The following PTP4A1 variants were observed in gnomAD, a reference collection of about 807,000 sequenced individuals.
PTP4A1 encodes protein tyrosine phosphatase 4A1, also known as protein tyrosine phosphatase type IVA 1.
Under a neutral mutation model 20.5 loss-of-function variants are expected in PTP4A1, and 9 were observed. The observed-to-expected ratio is 0.44, with a 90% CI of 0.26 to 0.77. The LOEUF (loss-of-function observed/expected upper bound fraction) is 0.77. Ranked by LOEUF, PTP4A1 falls within the 30% of genes least tolerant of loss-of-function variation. The probability of loss-of-function intolerance (pLI) is 0.19; values close to 1 mark genes in which losing one functional copy is unlikely to be tolerated. For synonymous variants in PTP4A1, 78 were observed against 67.4 expected (o/e 1.16, Z -0.77); for missense variants, 137 against 218.8 (o/e 0.63, Z 2.36).
chr6:63,550,201 T>A (rs1177851082), intron 2 of PTP4A1: 1 of 152,088 alleles, frequency 6.6e-6, no homozygotes, highest in Non-Finnish European at 1.5e-5. Context: ...ACATAATAGA[T>A]TCAAAACAAA....
intron 3 of PTP4A1, among the ~76,000 whole-genome samples, chr6:63,556,701 T>C (rs946297551): frequency 5.2e-5 from 8 of 152,386 alleles, no homozygotes; most frequent in African/African-American, 1.9e-4. Context: ...AATTTATTCC[T>C]GAGTCACTGA....
At chr6:63,566,545 A>G (rs1777197484) in intron 3 of PTP4A1, among the ~76,000 whole-genome samples, 1 of 152,206 alleles carries the variant, frequency 6.6e-6, no homozygotes, top group Admixed American at 6.5e-5. Flanking sequence ...GGAAGTGGGG[A>G]AAACGGGTAC....
chr6:63,559,573 T>C (rs954904007), intron 3 of PTP4A1, among the ~76,000 whole-genome samples: 8 of 151,932 alleles, frequency 5.3e-5, no homozygotes, highest in Non-Finnish European at 1.2e-4. Context: ...GGTGAAACCC[T>C]GTCTCTACTA....
chr6:63,556,035 A>T (rs764460020), intron 3 of PTP4A1, among the ~76,000 whole-genome samples: 1 of 152,090 alleles, frequency 6.6e-6, no homozygotes, highest in Non-Finnish European at 1.5e-5. Flanking sequence ...GGTATAACAC[A>T]ATAAAGACAA....
chr6:63,559,847 GAACTCC>G, intron 3 of PTP4A1, among the ~76,000 whole-genome samples: 1 of 152,116 alleles, frequency 6.6e-6, no homozygotes, highest in Non-Finnish European at 1.5e-5. Flanking sequence ...GGCTGGTTTC[GAACTCC>G]TGGGCTCAAA....
chr6:63,560,490 C>T (rs1776896177), intron 3 of PTP4A1, among the ~76,000 whole-genome samples: 1 of 151,280 alleles, frequency 6.6e-6, no homozygotes, highest in South Asian at 2.1e-4. Flanking sequence ...GCAACCTCTG[C>T]CTCCCGAGTT....
At chr6:63,521,253 G>T (rs574671374), upstream of PTP4A1, among the ~76,000 whole-genome samples, 1 of 152,082 alleles carries the variant, frequency 6.6e-6, no homozygotes, top group African/African-American at 2.4e-5. Flanking sequence ...ATAAAACTGA[G>T]CAAGAAAAGA....
chr6:63,578,751 C>A, intron 3 of PTP4A1, 147 bp from the exon 4 acceptor site: 1 of 1,109,792 alleles, frequency 9.0e-7, no homozygotes, highest in Non-Finnish European at 1.2e-6. Flanking sequence ...CATTTAGTCA[C>A]ATTTGGTAGA....
At chr6:63,557,064 G>A (rs780881524) in intron 3 of PTP4A1, among the ~76,000 whole-genome samples, 16 of 152,290 alleles carry the variant, frequency 1.1e-4, no homozygotes, top group Non-Finnish European at 1.6e-4. Flanking sequence ...CTTATTATGT[G>A]CCAAGTACTG....
intron 1 of PTP4A1, among the ~76,000 whole-genome samples, chr6:63,525,072 G>T (rs188713674): frequency 2.0e-5 from 3 of 152,290 alleles, no homozygotes; most frequent in Non-Finnish European, 4.4e-5. Context: ...ATTTCTGAAA[G>T]GGTGTTTAGA....
At chr6:63,575,217 T>C (rs1224459078) in intron 1 of PTP4A1, among the ~76,000 whole-genome samples, 1 of 152,226 alleles carries the variant, frequency 6.6e-6, no homozygotes, top group African/African-American at 2.4e-5. Flanking sequence ...AATTTAAGCA[T>C]GGAAACTAAT....
At chr6:63,518,995 G>A (rs1774827150), upstream of PTP4A1, among the ~76,000 whole-genome samples, 1 of 152,144 alleles carries the variant, frequency 6.6e-6, no homozygotes, top group Non-Finnish European at 1.5e-5. Flanking sequence ...AGTAAAGCAT[G>A]TGCATATTCA....
At chr6:63,570,478 C>A (rs1777368706), upstream of PTP4A1, among the ~76,000 whole-genome samples, 1 of 152,194 alleles carries the variant, frequency 6.6e-6, no homozygotes, top group Admixed American at 6.5e-5. Context: ...AATTTGAGAG[C>A]TTTTAGAACT....
chr6:63,548,196 C>T (rs1406906277), intron 2 of PTP4A1, among the ~76,000 whole-genome samples: 1 of 152,168 alleles, frequency 6.6e-6, no homozygotes, highest in Non-Finnish European at 1.5e-5. Context: ...CCTACTATAA[C>T]ACTTTCTGCA....
In PTP4A1 at chr6:63,576,996, A is replaced by T; in HGVS notation, c.105+11A>T. 1.9e-6 allele frequency: 3 copies of T among 1,594,736 alleles called. No individual in the cohort carries two copies. Among genetic ancestry groups the T allele is most frequent in the Non-Finnish European group, 2.6e-6 (3 of 1,163,004 alleles). On this transcript the variant is annotated intron_variant, in intron 2 of 5. Transcript: ENST00000626021. ...AACAAATTTATAGAGGTAAGATTTG[A>T]TATGTTTTAGTAGCTTAAATTGATT...
upstream of PTP4A1, among the ~76,000 whole-genome samples, chr6:63,570,641 T>C (rs1209290522): frequency 6.6e-6 from 1 of 152,238 alleles, no homozygotes; most frequent in Non-Finnish European, 1.5e-5. Context: ...TGAGTTTATA[T>C]CTTGTCCCAC....
chr6:63,566,779 G>A (rs1227840629), intron 3 of PTP4A1, among the ~76,000 whole-genome samples: 1 of 152,128 alleles, frequency 6.6e-6, no homozygotes, highest in African/African-American at 2.4e-5. Flanking sequence ...TTTCTCTGTA[G>A]CAGGCAGTGC....
chr6:63,548,840 C>T (rs1349765482), intron 2 of PTP4A1: 6 of 757,704 alleles, frequency 7.9e-6, no homozygotes, highest in African/African-American at 3.4e-5. Context: ...TGTAGTCAGT[C>T]CTGATAGCTC....
intron 2 of PTP4A1, among the ~76,000 whole-genome samples, chr6:63,532,937 A>C (rs1775534375): frequency 6.6e-6 from 1 of 152,204 alleles, no homozygotes. Context: ...GGTATTACAT[A>C]CCCGATGTGA....
Sources: gnomAD v4.1 joint callset for allele counts (sites outside exome capture counted in the v4.1 genomes callset) on GRCh38, gnomAD v4.1.1 for gene constraint, MANE v1.5 for transcripts, NCBI Gene and HGNC (gene_info 2026-07-23, HGNC 2026-07-21) for gene names.